The following ARHGAP15 variants were observed in gnomAD, a reference collection of about 807,000 sequenced individuals.
ARHGAP15 encodes rho GTPase-activating protein 15.
In ARHGAP15, 51 loss-of-function variants were observed where a neutral mutation model predicts 63.7. That is an observed-to-expected ratio of 0.80 (90% confidence interval 0.64 to 1.01). The LOEUF (loss-of-function observed/expected upper bound fraction) is 1.01, where lower values mean the gene tolerates loss of function less well. Among genes scored for constraint, ARHGAP15 ranks in the 50% least tolerant of loss-of-function variants. ARHGAP15 has a pLI of 0.00. For synonymous variants in ARHGAP15, 191 were observed against 193.8 expected (o/e 0.99, Z 0.12); for missense variants, 560 against 564.6 (o/e 0.99, Z 0.08).
At chr2:143,472,153 T>C (rs1691607227) in intron 8 of ARHGAP15, 1 of 152,206 alleles carries the variant, frequency 6.6e-6, no homozygotes, top group African/African-American at 2.4e-5. Flanking sequence ...ATTCTGATCA[T>C]TATCATCACT....
intron 12 of ARHGAP15, among the ~76,000 whole-genome samples, chr2:143,668,376 C>T (rs150947338): frequency 1.4e-3 from 217 of 151,640 alleles, no homozygotes; most frequent in African/African-American, 5.1e-3. Context: ...ATGAATTGTT[C>T]ATCTGTGTGT....
At chr2:143,143,706 A>T (rs1689469023) in intron 1 of ARHGAP15, among the ~76,000 whole-genome samples, 1 of 151,890 alleles carries the variant, frequency 6.6e-6, no homozygotes, top group Admixed American at 6.6e-5. Context: ...AAGCCATTCT[A>T]TCCAGAACCT....
intron 12 of ARHGAP15, among the ~76,000 whole-genome samples, chr2:143,658,440 C>T (rs943053705): frequency 1.3e-5 from 2 of 152,164 alleles, no homozygotes; most frequent in East Asian, 1.9e-4. Flanking sequence ...TACTGAGAGA[C>T]TTCCAATTAT....
At chr2:143,180,485 G>A (rs1235853741) in intron 2 of ARHGAP15, among the ~76,000 whole-genome samples, 1 of 152,024 alleles carries the variant, frequency 6.6e-6, no homozygotes, top group Admixed American at 6.6e-5. Flanking sequence ...CATTCATAAG[G>A]ATTGGAATAC....
chr2:143,510,922 G>C (rs1033970142), intron 9 of ARHGAP15, among the ~76,000 whole-genome samples: 11 of 152,186 alleles, frequency 7.2e-5, no homozygotes, highest in African/African-American at 2.7e-4. Flanking sequence ...ACTGTCTCCT[G>C]CATAAATGAT....
intron 11 of ARHGAP15, among the ~76,000 whole-genome samples, chr2:143,618,096 C>T (rs1023621059): frequency 6.6e-6 from 1 of 152,204 alleles, no homozygotes; most frequent in Non-Finnish European, 1.5e-5. Context: ...GGTGACATCA[C>T]CGTGTTTGAG....
chr2:143,540,106 G>T (rs1292424115), intron 10 of ARHGAP15, among the ~76,000 whole-genome samples: 1 of 152,158 alleles, frequency 6.6e-6, no homozygotes, highest in Non-Finnish European at 1.5e-5. Flanking sequence ...AGTTCTTCTT[G>T]TTGAATTGAT....
In ARHGAP15 at chr2:143,309,828, A is replaced by G. The variant is rs560152493; in HGVS notation, c.474+59228A>G. ...GTAACAACCAAAAATATCTCCAAAC[A>G]TTTAGACCCCATTTGAGAAACACAG... On this transcript the variant is annotated intron_variant, in intron 6 of 13. Transcript: ENST00000295095. 2.0e-5 allele frequency among the ~76,000 whole-genome samples: 3 copies of G among 151,788 alleles called. No homozygotes were observed. In the East Asian group the frequency reaches 5.8e-4, roughly 29 times the overall value.
intron 13 of ARHGAP15, among the ~76,000 whole-genome samples, chr2:143,726,852 T>A (rs968548588): frequency 6.6e-6 from 1 of 152,204 alleles, no homozygotes; most frequent in Non-Finnish European, 1.5e-5. Flanking sequence ...AAGAAAGAAG[T>A]AGAAGACCAC....
intron 12 of ARHGAP15, among the ~76,000 whole-genome samples, chr2:143,649,844 C>T (rs1419305668): frequency 6.6e-6 from 1 of 151,238 alleles, no homozygotes; most frequent in African/African-American, 2.4e-5. Flanking sequence ...GAGCTCCACC[C>T]ATTTTACAGG....
chr2:143,474,814 G>T (rs995122947), intron 8 of ARHGAP15, among the ~76,000 whole-genome samples: 1 of 152,174 alleles, frequency 6.6e-6, no homozygotes, highest in Non-Finnish European at 1.5e-5. Flanking sequence ...CAAGAATGGG[G>T]TTATCTGACG....
intron 12 of ARHGAP15, among the ~76,000 whole-genome samples, chr2:143,638,687 T>TAA (rs201447356): frequency 2.6e-4 from 35 of 132,330 alleles, no homozygotes; most frequent in East Asian, 1.8e-3. Flanking sequence ...AAAAAAATAT[T>TAA]AAAAAAAAAA....
chr2:143,437,124 T>A, intron 8 of ARHGAP15, 82 bp downstream of exon 8: 1 of 1,421,142 alleles, frequency 7.0e-7, no homozygotes, highest in Non-Finnish European at 9.5e-7. Flanking sequence ...AAATGAGATT[T>A]AAGCCAAACT....
chr2:143,647,503 A>T (rs1283501453), intron 12 of ARHGAP15, among the ~76,000 whole-genome samples: 2 of 152,020 alleles, frequency 1.3e-5, no homozygotes, highest in African/African-American at 4.8e-5. Context: ...CTACATGAAC[A>T]CATTTTTCTT....
At chr2:143,596,601 A>G (rs763024461) in intron 11 of ARHGAP15, among the ~76,000 whole-genome samples, 2 of 152,146 alleles carry the variant, frequency 1.3e-5, no homozygotes, top group Non-Finnish European at 2.9e-5. Flanking sequence ...TTTGCCTAAA[A>G]TAATCTCTGA....
At chr2:143,329,345 T>C (rs1257078280) in intron 6 of ARHGAP15, among the ~76,000 whole-genome samples, 2 of 152,216 alleles carry the variant, frequency 1.3e-5, no homozygotes, top group Non-Finnish European at 2.9e-5. Flanking sequence ...AAAGCGAGTC[T>C]AGATGTGAGA....
At chr2:143,383,706 C>G (rs1687151257) in intron 6 of ARHGAP15, among the ~76,000 whole-genome samples, 1 of 152,104 alleles carries the variant, frequency 6.6e-6, no homozygotes, top group Non-Finnish European at 1.5e-5. Context: ...CTTGTTCAGT[C>G]AAAACCAGTA....
intron 1 of ARHGAP15, among the ~76,000 whole-genome samples, chr2:143,151,172 C>T (rs1172329761): frequency 6.6e-6 from 1 of 151,962 alleles, no homozygotes; most frequent in African/African-American, 2.4e-5. Flanking sequence ...GTTCTGGAAG[C>T]CAAGTCAAGT....
chr2:143,366,100 G>A (rs531976612), intron 6 of ARHGAP15, among the ~76,000 whole-genome samples: 3 of 152,056 alleles, frequency 2.0e-5, no homozygotes, highest in South Asian at 2.1e-4. Flanking sequence ...CTCTTTAATC[G>A]TAGTTTTCCT....
Sources: gnomAD v4.1 joint callset for allele counts (sites outside exome capture counted in the v4.1 genomes callset) on GRCh38, gnomAD v4.1.1 for gene constraint, MANE v1.5 for transcripts, NCBI Gene and HGNC (gene_info 2026-07-23, HGNC 2026-07-21) for gene names.